SSPN: variants seen among roughly 807,000 people sequenced by gnomAD.
SSPN encodes K-ras oncogene-associated protein.
Under a neutral mutation model 19.1 loss-of-function variants are expected in SSPN, and 15 were observed. The ratio of observed to expected loss-of-function variants is 0.78; its 90% CI spans 0.52 to 1.21. The LOEUF (loss-of-function observed/expected upper bound fraction) is 1.21, where lower values mean the gene tolerates loss of function less well. Among genes scored for constraint, SSPN ranks in the 50% most tolerant of loss-of-function variants. The pLI is 0.00. For missense variants in SSPN, 291 were observed against 314.0 expected (o/e 0.93, Z 0.55); for synonymous variants, 147 against 140.3 (o/e 1.05, Z -0.34).
intron 1 of SSPN, among the ~76,000 whole-genome samples, chr12:26,150,272 G>A (rs1350733884): frequency 6.6e-6 from 1 of 152,120 alleles, no homozygotes; most frequent in Non-Finnish European, 1.5e-5. Context: ...CACAAAACCT[G>A]GTAGCACCAT....
intron 1 of SSPN, chr12:26,122,621 C>T (rs1944321294): frequency 8.5e-7 from 1 of 1,174,044 alleles, no homozygotes. Context: ...CTGCCGCCGC[C>T]GCCGCGCCGC....
At chr12:26,198,553 G>A (rs1944850936) in intron 1 of SSPN, among the ~76,000 whole-genome samples, 1 of 152,148 alleles carries the variant, frequency 6.6e-6, no homozygotes, top group Non-Finnish European at 1.5e-5. Flanking sequence ...TAGCTGCTTG[G>A]GAAGCAGTCA....
chr12:26,181,384 G>A (rs1258048830), intron 1 of SSPN: 1 of 152,094 alleles, frequency 6.6e-6, no homozygotes, highest in East Asian at 1.9e-4. Flanking sequence ...AACAAAATCA[G>A]TTAACTTTCT....
chr12:26,142,965 A>G (rs577053393), intron 1 of SSPN, among the ~76,000 whole-genome samples: 5 of 152,324 alleles, frequency 3.3e-5, no homozygotes, highest in East Asian at 1.9e-4. Flanking sequence ...TACCTGTATT[A>G]TGATGATTGT....
chr12:26,195,437 G>C, upstream of SSPN: 2 of 665,516 alleles, frequency 3.0e-6, no homozygotes, highest in Non-Finnish European at 4.2e-6. Context: ...TCCTGCCCGG[G>C]GCCCGGCAGG....
intron 1 of SSPN, chr12:26,124,714 T>C (rs751145157): frequency 6.2e-6 from 10 of 1,613,860 alleles, no homozygotes; most frequent in Non-Finnish European, 8.5e-7. Context: ...TGCGTGCACC[T>C]TACCCTATAA....
intron 2 of SSPN, among the ~76,000 whole-genome samples, chr12:26,227,252 C>G (rs935425709): frequency 6.6e-6 from 1 of 152,106 alleles, no homozygotes; most frequent in African/African-American, 2.4e-5. Context: ...GCAGATAAAG[C>G]CTGCAGGCTT....
At chr12:26,192,019 G>T (rs1322293344), upstream of SSPN, among the ~76,000 whole-genome samples, 1 of 152,014 alleles carries the variant, frequency 6.6e-6, no homozygotes, top group Non-Finnish European at 1.5e-5. Flanking sequence ...TTTCTAGTTG[G>T]GTTTCCTAAG....
intron 1 of SSPN, among the ~76,000 whole-genome samples, chr12:26,197,690 G>GTTATTATCAAGCCCTCTCTCTTGT: frequency 6.6e-6 from 1 of 152,184 alleles, no homozygotes; most frequent in Non-Finnish European, 1.5e-5. Flanking sequence ...TGTGGGAGAT[G>GTTATTATCAAGCCCTCTCTCTTGT]ATGTTCCTAA....
At chr12:26,141,204 A>G (rs1486509349) in intron 1 of SSPN, among the ~76,000 whole-genome samples, 2 of 152,204 alleles carry the variant, frequency 1.3e-5, no homozygotes, top group African/African-American at 4.8e-5. Context: ...TGGAAGCAGG[A>G]GGCAGAAGAG....
In SSPN at chr12:26,164,828, T is replaced by C. The variant is rs528078231; in HGVS notation, c.-31+42676T>C. 2.6e-5 allele frequency among the ~76,000 whole-genome samples: 4 copies of C among 152,280 alleles called. No homozygotes were observed. In the East Asian group the frequency reaches 5.8e-4, roughly 22 times the overall value. On this transcript the variant is annotated intron_variant, in intron 1 of 2. Coordinates refer to the SSPN transcript ENST00000538142. ...TTTCTCTGCAGTATTAACAGCCCCA[T>C]GTAATTAGAACCAGTCACACATTTA...
chr12:26,197,998 T>C (rs760936266), intron 1 of SSPN, among the ~76,000 whole-genome samples: 26 of 152,188 alleles, frequency 1.7e-4, no homozygotes, highest in Non-Finnish European at 3.1e-4. Flanking sequence ...ACAGACACCA[T>C]GCTCTGCTTG....
intron 1 of SSPN, among the ~76,000 whole-genome samples, chr12:26,126,245 G>A (rs1021742521): frequency 7.2e-5 from 11 of 152,192 alleles, no homozygotes; most frequent in South Asian, 2.1e-4. Context: ...GCCCGGGGAT[G>A]CGCACTGCCC....
At chr12:26,199,460 A>G (rs1359450589) in intron 1 of SSPN, among the ~76,000 whole-genome samples, 1 of 152,204 alleles carries the variant, frequency 6.6e-6, no homozygotes, top group Admixed American at 6.5e-5. Context: ...ATAATTCTTT[A>G]TAGATGGTTT....
At chr12:26,140,687 C>T (rs1041642881) in intron 1 of SSPN, among the ~76,000 whole-genome samples, 1 of 152,272 alleles carries the variant, frequency 6.6e-6, no homozygotes, top group African/African-American at 2.4e-5. Flanking sequence ...CCTCCTGCTA[C>T]GGCCATGTAG....
chr12:26,131,395 GA>G (rs1233166878), intron 1 of SSPN, among the ~76,000 whole-genome samples: 1 of 152,234 alleles, frequency 6.6e-6, no homozygotes, highest in Admixed American at 6.5e-5. Flanking sequence ...TTACGTAGCA[GA>G]CCTGTCCTGT....
At chr12:26,200,404 G>A (rs1459853540) in intron 1 of SSPN, among the ~76,000 whole-genome samples, 1 of 152,134 alleles carries the variant, frequency 6.6e-6, no homozygotes, top group East Asian at 1.9e-4. Context: ...TTTAAAAACC[G>A]ATTTTAAGTC....
rs370410851 is a variant in SSPN, at chr12:26,230,767, C to T, written c.423C>T (p.Ala141=). 27 of 1,614,108 alleles carry T rather than the reference C, an allele frequency of 1.7e-5. No individual in the cohort carries two copies. In the African/African-American group the frequency reaches 3.3e-4, roughly 20 times the overall value. The change falls in exon 3 of 3, where the codon GCC becomes GCT. Residue 141 remains alanine, a synonymous_variant. Transcript: ENST00000242729. ...TGACGGTCTGTGTGCTGGCCGTGGC[C>T]TTTGCCGCCCACCACTATTCGCAGC... ...LGLTVCVLAV[A]FAAHHYSQLT...
intron 1 of SSPN, among the ~76,000 whole-genome samples, chr12:26,144,283 C>T (rs933091022): frequency 7.9e-5 from 12 of 152,192 alleles, no homozygotes; most frequent in African/African-American, 2.9e-4. Context: ...GAATGCAGAA[C>T]TTTGCCATGG....
Sources: allele counts gnomAD v4.1 joint callset (sites outside exome capture counted in the v4.1 genomes callset), GRCh38; gene constraint gnomAD v4.1.1; transcripts MANE v1.5; gene names NCBI Gene and HGNC (gene_info 2026-07-23, HGNC 2026-07-21).